MMP26: variants seen among roughly 807,000 people sequenced by gnomAD.
MMP26 encodes matrix metallopeptidase 26, also known as matrix metalloproteinase-26.
In MMP26, 33 loss-of-function variants were observed where a neutral mutation model predicts 31.0. The observed-to-expected ratio is 1.06, with a 90% CI of 0.81 to 1.42. MMP26 has a LOEUF of 1.42. Ranked by LOEUF, MMP26 falls within the 40% of genes most tolerant of loss-of-function variation. MMP26 has a pLI of 0.00. For missense variants in MMP26, 347 were observed against 316.1 expected (o/e 1.10, Z -0.74); for synonymous variants, 122 against 114.9 (o/e 1.06, Z -0.40).
At chr11:4,804,556 C>T in intron 2 of MMP26, 1 of 778,214 alleles carries the variant, frequency 1.3e-6, no homozygotes, top group South Asian at 1.4e-5. Flanking sequence ...TAATATGTTA[C>T]AACATGACAT....
intron 2 of MMP26, among the ~76,000 whole-genome samples, chr11:4,809,964 CT>C (rs71280819): frequency 0.41 from 61,669 of 151,992 alleles, 13,993 homozygotes; most frequent in South Asian, 0.57. Context: ...GAAATTCAGC[CT>C]TTGGCAGAGA....
At chr11:4,778,514 T>C (rs183320916) in intron 2 of MMP26, among the ~76,000 whole-genome samples, 1 of 152,228 alleles carries the variant, frequency 6.6e-6, no homozygotes, top group African/African-American at 2.4e-5. Context: ...GCACCAATAC[T>C]GCACTATCCC....
intron 2 of MMP26, among the ~76,000 whole-genome samples, chr11:4,813,318 T>G (rs1320645989): frequency 6.6e-6 from 1 of 152,182 alleles, no homozygotes; most frequent in Non-Finnish European, 1.5e-5. Flanking sequence ...ATTGAAAAAT[T>G]GATAAAGAAA....
At chr11:4,848,517 AC>A (rs1426866883) in intron 2 of MMP26, 1 of 1,613,442 alleles carries the variant, frequency 6.2e-7, no homozygotes, top group Non-Finnish European at 8.5e-7. Context: ...ACCTTGCAAC[AC>A]CTTGCCAATC....
rs1200509967 is a variant in MMP26, at chr11:4,961,972, A to AT, written c.-144-26094dup. Reference sequence around the variant, plus strand: ...ATAGAACAGAATTGGCATTTTCAACATTATAAAATTGGAGCAACCCCTGTT... The same window carrying AT: ...ATAGAACAGAATTGGCATTTTCAACATTTATAAAATTGGAGCAACCCCTGTT... On this transcript the variant is annotated intron_variant, in intron 2 of 7. Transcript: ENST00000380390. 7.9e-5 allele frequency among the ~76,000 whole-genome samples: 12 copies of AT among 152,340 alleles called. No individual in the cohort carries two copies. The East Asian group carries it at 2.1e-3, about 27-fold the overall frequency.
At chr11:4,900,674 A>T (rs1472214390) in intron 2 of MMP26, among the ~76,000 whole-genome samples, 4 of 152,198 alleles carry the variant, frequency 2.6e-5, no homozygotes, top group Non-Finnish European at 5.9e-5. Context: ...TATGATGAAC[A>T]TTGATCTTTT....
intron 1 of MMP26, among the ~76,000 whole-genome samples, chr11:4,743,173 C>T (rs930735524): frequency 4.6e-5 from 7 of 152,106 alleles, no homozygotes; most frequent in South Asian, 2.1e-4. Context: ...TTTCTTTTCC[C>T]TCAACAGCTG....
intron 2 of MMP26, among the ~76,000 whole-genome samples, chr11:4,938,892 A>G (rs1846168659): frequency 6.6e-6 from 1 of 152,146 alleles, no homozygotes; most frequent in African/African-American, 2.4e-5. Flanking sequence ...TCCTTCCTGT[A>G]TAGAAGGTAG....
At chr11:4,803,181 AACTACTT>A (rs1387116069) in intron 2 of MMP26, among the ~76,000 whole-genome samples, 1 of 152,130 alleles carries the variant, frequency 6.6e-6, no homozygotes. Context: ...TAATAGGTAA[AACTACTT>A]TTATTGTTTC....
chr11:4,751,156 T>C (rs2133300820), intron 1 of MMP26, among the ~76,000 whole-genome samples: 1 of 152,260 alleles, frequency 6.6e-6, no homozygotes, highest in African/African-American at 2.4e-5. Context: ...TTTAGATAGA[T>C]TATTCGATAG....
chr11:4,837,399 A>T (rs1281265745), intron 2 of MMP26, among the ~76,000 whole-genome samples: 1 of 151,984 alleles, frequency 6.6e-6, no homozygotes, highest in Non-Finnish European at 1.5e-5. Context: ...TTTTGAAGAG[A>T]TGGTATATTC....
chr11:4,840,763 A>G (rs557620586), intron 2 of MMP26, among the ~76,000 whole-genome samples: 1 of 152,348 alleles, frequency 6.6e-6, no homozygotes, highest in Non-Finnish European at 1.5e-5. Flanking sequence ...TTGAATGACC[A>G]AACAGTGAAT....
chr11:4,831,641 T>C (rs1032840807), intron 2 of MMP26, among the ~76,000 whole-genome samples: 2 of 152,202 alleles, frequency 1.3e-5, no homozygotes, highest in African/African-American at 4.8e-5. Context: ...CAATTCTATA[T>C]ATTTTCACAG....
At chr11:4,921,483 G>C (rs1266639624) in intron 2 of MMP26, among the ~76,000 whole-genome samples, 1 of 152,250 alleles carries the variant, frequency 6.6e-6, no homozygotes, top group Non-Finnish European at 1.5e-5. Context: ...GCTTCATCCA[G>C]TATGGAAACA....
chr11:4,851,198 C>T, intron 2 of MMP26, among the ~76,000 whole-genome samples: 1 of 152,190 alleles, frequency 6.6e-6, no homozygotes, highest in East Asian at 1.9e-4. Flanking sequence ...TTTGGCAAGG[C>T]TGCTTCATTC....
Position 4,711,406 on chromosome 11 carries a change from G to C in MMP26, c.-217+6361G>C, listed in dbSNP as rs557325818. ...AGCTTATATTTGATAGCTGGATATTGTTTTGCTGACATATTCTTTACACTT... is the reference window on the plus strand; with the variant it reads ...AGCTTATATTTGATAGCTGGATATTCTTTTGCTGACATATTCTTTACACTT... On this transcript the variant is annotated intron_variant, in intron 1 of 7. Transcript: ENST00000380390. 32 of 152,248 alleles carry C rather than the reference G, an allele frequency of 2.1e-4. No homozygotes were observed. In the South Asian group the frequency reaches 6.4e-3, roughly 31 times the overall value. 9.4% of individuals were successfully genotyped at this position (152,248 alleles called of 1,614,324 possible).
At chr11:4,848,508 C>G in intron 2 of MMP26, 2 of 1,613,456 alleles carry the variant, frequency 1.2e-6, no homozygotes, top group Non-Finnish European at 1.7e-6. Flanking sequence ...GGACTCCACA[C>G]CTTGCAACAC....
At chr11:4,818,251 G>T (rs1849447414) in intron 2 of MMP26, among the ~76,000 whole-genome samples, 1 of 152,076 alleles carries the variant, frequency 6.6e-6, no homozygotes, top group Non-Finnish European at 1.5e-5. Flanking sequence ...ACTCTTGTTT[G>T]CTTTATTGGT....
chr11:4,779,010 G>C (rs190797680), intron 2 of MMP26, among the ~76,000 whole-genome samples: 9 of 151,998 alleles, frequency 5.9e-5, no homozygotes, highest in African/African-American at 2.2e-4. Context: ...TATGCCTCTT[G>C]TTCTTCCTGA....
Sources: gnomAD v4.1 joint callset for allele counts (sites outside exome capture counted in the v4.1 genomes callset) on GRCh38, gnomAD v4.1.1 for gene constraint, MANE v1.5 for transcripts, NCBI Gene and HGNC (gene_info 2026-07-23, HGNC 2026-07-21) for gene names.